The following NOD2 variants were observed in gnomAD, a reference collection of about 807,000 sequenced individuals.
NOD2 encodes nucleotide-binding oligomerization domain-containing protein 2.
Under a neutral mutation model 90.9 loss-of-function variants are expected in NOD2, and 86 were observed. That is an observed-to-expected ratio of 0.95 (90% CI 0.79 to 1.13). The LOEUF (loss-of-function observed/expected upper bound fraction) is 1.13, where lower values mean the gene tolerates loss of function less well. Among genes scored for constraint, NOD2 ranks in the 50% most tolerant of loss-of-function variants. The probability of loss-of-function intolerance (pLI) is 0.00; values close to 1 mark genes in which losing one functional copy is unlikely to be tolerated. For synonymous variants in NOD2, 581 were observed against 554.6 expected (o/e 1.05, Z -0.67); for missense variants, 1,238 against 1,283.8 (o/e 0.96, Z 0.55).
rs546900574 is a variant in NOD2, at chr16:50,720,918, C to T, written c.2633+910C>T. 3.3e-4 allele frequency among the ~76,000 whole-genome samples: 50 copies of T among 152,288 alleles called. 1 individual carries two copies. The highest frequency in any genetic ancestry group is 1.2e-3 in the African/African-American group (50 of 41,554). Reference sequence around the variant, plus strand: ...CTCCTTGGTTCAAGCGATTCACCTGCCTCAGCTTCTCAAGTAGCTGGGATT... The same window carrying T: ...CTCCTTGGTTCAAGCGATTCACCTGTCTCAGCTTCTCAAGTAGCTGGGATT... On this transcript the variant is annotated intron_variant, in intron 7 of 11. Coordinates refer to ENST00000647318, the MANE Select transcript of NOD2 (RefSeq NM_001370466.1).
At chr16:50,709,169 A>G (rs1283231768) in intron 3 of NOD2, among the ~76,000 whole-genome samples, 1 of 152,098 alleles carries the variant, frequency 6.6e-6, no homozygotes, top group Non-Finnish European at 1.5e-5. Flanking sequence ...TATCTATCTT[A>G]TGGTCTAAGT....
intron 4 of NOD2, 48 bp from the exon 5 acceptor site, chr16:50,716,539 C>T (rs1468742807): frequency 1.3e-6 from 2 of 1,535,520 alleles, no homozygotes; most frequent in South Asian, 1.1e-5. Flanking sequence ...AGATTTTTTT[C>T]TTGTCTTACT....
At chr16:50,728,108 A>G (rs983915642) in intron 10 of NOD2, 3 of 218,604 alleles carry the variant, frequency 1.4e-5, no homozygotes, top group Non-Finnish European at 1.9e-5. Flanking sequence ...TGAGGCACAC[A>G]CTTATCGAGG....
intron 6 of NOD2, among the ~76,000 whole-genome samples, chr16:50,718,298 A>G (rs370399990): frequency 3.3e-5 from 5 of 152,278 alleles, no homozygotes; most frequent in East Asian, 1.9e-4. Flanking sequence ...TTGAGCAACA[A>G]TGAGGTCGGC....
chr16:50,697,078 C>G (rs900966054), intron 1 of NOD2: 3 of 681,148 alleles, frequency 4.4e-6, no homozygotes, highest in Non-Finnish European at 5.3e-6. Flanking sequence ...TTCTGGAAGG[C>G]TGGTTGGCCA....
chr16:50,721,292 C>A (rs781223867), intron 7 of NOD2, among the ~76,000 whole-genome samples: 1 of 151,620 alleles, frequency 6.6e-6, no homozygotes, highest in African/African-American at 2.4e-5. Flanking sequence ...TATTAGGGCA[C>A]CTGTCTGGGC....
intron 2 of NOD2, among the ~76,000 whole-genome samples, chr16:50,705,389 T>A (rs979527218): frequency 6.6e-5 from 10 of 152,330 alleles, no homozygotes; most frequent in African/African-American, 2.4e-4. Context: ...CATTAGATGC[T>A]TTCTCTGGGC....
chr16:50,723,085 T>TAAAAAA, intron 8 of NOD2, among the ~76,000 whole-genome samples: 1 of 116,950 alleles, frequency 8.6e-6, no homozygotes, highest in Non-Finnish European at 1.7e-5. Context: ...CTAAAAAAGC[T>TAAAAAA]AAAAAAAAAA....
At chr16:50,697,421 C>T in intron 1 of NOD2, 1 of 1,095,660 alleles carries the variant, frequency 9.1e-7, no homozygotes, top group South Asian at 1.3e-5. Context: ...AGTGCTGACT[C>T]TGTTTCTGGG....
intron 1 of NOD2, among the ~76,000 whole-genome samples, chr16:50,698,611 G>T (rs1025826730): frequency 6.6e-6 from 1 of 152,194 alleles, no homozygotes; most frequent in Admixed American, 6.5e-5. Context: ...GTCATACATG[G>T]CTCGTGTTGA....
In NOD2 at chr16:50,716,914, A is replaced by G. The variant is rs1386587784; in HGVS notation, c.2489A>G (p.Asp830Gly). The part of the protein sequence containing the change: ...KLALFNNKLT[D>G]GCAHSMAKLL... Reference sequence around the variant, plus strand: ...AGTCTATTCAACAACAAATTGACTGACGGCTGTGCACACTCCATGGCTAAG... The same window carrying G: ...AGTCTATTCAACAACAAATTGACTGGCGGCTGTGCACACTCCATGGCTAAG... The change falls in exon 6 of 12, where the codon GAC becomes GGC. Residue 830 changes from aspartate to glycine, a missense_variant. Asp to Gly is a moderately conservative substitution (Grantham distance 94, BLOSUM62 -1). Coordinates refer to ENST00000647318, the MANE Select transcript of NOD2 (RefSeq NM_001370466.1). 2 of 1,614,128 alleles carry G rather than the reference A, an allele frequency of 1.2e-6. No individual in the cohort carries two copies. The highest frequency in any genetic ancestry group is 2.7e-5 in the African/African-American group (2 of 74,956).
At chr16:50,709,430 C>T (rs528393558) in intron 3 of NOD2, among the ~76,000 whole-genome samples, 1 of 152,340 alleles carries the variant, frequency 6.6e-6, no homozygotes, top group East Asian at 1.9e-4. Context: ...GCTAAACCAG[C>T]ACTTCCCCAT....
intron 10 of NOD2, 137 bp downstream of exon 10, chr16:50,725,709 G>T: frequency 1.4e-6 from 1 of 727,504 alleles, no homozygotes. Flanking sequence ...CTTGGTCTAG[G>T]TGGACAAGGA....
intron 8 of NOD2, 92 bp from the exon 9 acceptor site, chr16:50,723,209 G>A (rs188014793): frequency 8.4e-6 from 8 of 954,988 alleles, no homozygotes; most frequent in East Asian, 5.1e-5. Context: ...GAGCAGACCA[G>A]GAGAGCACCA....
At chr16:50,697,276 T>C in intron 1 of NOD2, 2 of 1,560,580 alleles carry the variant, frequency 1.3e-6, no homozygotes, top group Non-Finnish European at 1.7e-6. Flanking sequence ...CCTCTCACGA[T>C]GAGGAGGAAA....
At chr16:50,697,193 C>G in intron 1 of NOD2, 2 of 1,486,484 alleles carry the variant, frequency 1.3e-6, no homozygotes, top group Non-Finnish European at 1.8e-6. Context: ...GCGTTCTGCA[C>G]AAGGCCTACC....
rs67559630 is a variant in NOD2, at chr16:50,714,602, C to CTGTGTG, written c.2382-1949_2382-1944dup. Reference sequence around the variant, plus strand: ...CAACCATGAGGTTGCTGTGAGTGCACTGTGTGTGTGTGTGTGTGTGTGTGT... The same window carrying CTGTGTG: ...CAACCATGAGGTTGCTGTGAGTGCACTGTGTGTGTGTGTGTGTGTGTGTGTGTGTGT... On this transcript the variant is annotated intron_variant, in intron 4 of 11. Coordinates refer to ENST00000647318, the MANE Select transcript of NOD2 (RefSeq NM_001370466.1). Among the ~76,000 whole-genome samples, 904 of 135,998 alleles carry CTGTGTG rather than the reference C, an allele frequency of 6.6e-3. 10 individuals carry two copies. The highest frequency in any genetic ancestry group is 7.4e-3 in the African/African-American group (264 of 35,798). 89.2% of individuals were successfully genotyped at this position (135,998 alleles called of 152,430 possible).
Position 50,711,901 on chromosome 16 carries a change from C to T in NOD2, c.1909C>T (p.Gln637Ter). 6.2e-7 allele frequency: 1 copy of T among 1,608,276 alleles called. No homozygotes were observed. The highest frequency in any genetic ancestry group is 8.5e-7 in the Non-Finnish European group (1 of 1,175,642). ...GGACAGCAGCGTGGCAGCTTTGCTG[C>T]AGAAGGCCGAGCCGCACAACCTTCA... ...GKDSSVAALL[Q>*]KAEPHNLQIT... Residue 637 changes from glutamine (Q) to a stop codon, truncating the protein, a stop_gained, in exon 4 of 12, where the codon CAG (glutamine) becomes TAG (stop). Coordinates refer to ENST00000647318, the MANE Select transcript of NOD2 (RefSeq NM_001370466.1). LOFTEE classifies it high-confidence loss of function.
intron 10 of NOD2, chr16:50,728,325 G>T (rs138956307): frequency 2.7e-4 from 104 of 388,182 alleles, no homozygotes; most frequent in African/African-American, 1.9e-3. Context: ...CTATACGTTA[G>T]TTAGCAGTTC....
Sources: allele counts gnomAD v4.1 joint callset (sites outside exome capture counted in the v4.1 genomes callset), GRCh38; gene constraint gnomAD v4.1.1; transcripts MANE v1.5; gene names NCBI Gene and HGNC (gene_info 2026-07-23, HGNC 2026-07-21).